Variants in DLG2 observed in about 807,000 individuals in gnomAD.
The protein encoded by DLG2 is disks large homolog 2.
DLG2 carries 45 observed loss-of-function variants against 132.5 expected under a neutral mutation model. That is an observed-to-expected ratio of 0.34 (90% confidence interval 0.27 to 0.44). The LOEUF is 0.44. DLG2 is among the 20% of genes least tolerant of loss of function. The pLI, the probability that DLG2 is intolerant of heterozygous loss-of-function variation, is 1.00. For missense variants in DLG2, 1,045 were observed against 1,196.9 expected (o/e 0.87, Z 1.87); for synonymous variants, 424 against 419.6 (o/e 1.01, Z -0.13).
At chr11:83,884,253 T>C (rs1424429929) in intron 15 of DLG2, among the ~76,000 whole-genome samples, 1 of 152,186 alleles carries the variant, frequency 6.6e-6, no homozygotes, top group Non-Finnish European at 1.5e-5. Flanking sequence ...TACTGCGCTT[T>C]TCCGACGGGC....
intron 7 of DLG2, among the ~76,000 whole-genome samples, chr11:84,367,571 G>A (rs941071339): frequency 4.2e-4 from 64 of 152,120 alleles, no homozygotes; most frequent in African/African-American, 1.5e-3. Context: ...GCCTTTGAGA[G>A]ATGATTGGAT....
intron 15 of DLG2, among the ~76,000 whole-genome samples, chr11:83,883,111 T>C (rs1220975154): frequency 6.6e-6 from 1 of 152,210 alleles, no homozygotes; most frequent in Non-Finnish European, 1.5e-5. Context: ...CAAATTATCA[T>C]TAGTACAATC....
intron 3 of DLG2, among the ~76,000 whole-genome samples, chr11:85,301,104 G>A (rs2079558527): frequency 6.6e-6 from 1 of 152,124 alleles, no homozygotes; most frequent in Admixed American, 6.5e-5. Context: ...AGCAGGCTAA[G>A]GTAGGAGACT....
chr11:84,059,611 T>C, intron 10 of DLG2, 127 bp from the exon 11 acceptor site: 1 of 755,196 alleles, frequency 1.3e-6, no homozygotes, highest in Non-Finnish European at 2.0e-6. Flanking sequence ...AATATTTAAA[T>C]TTGGAAGGAT....
chr11:83,676,264 G>C (rs2077673172), intron 18 of DLG2, among the ~76,000 whole-genome samples: 1 of 152,250 alleles, frequency 6.6e-6, no homozygotes, highest in South Asian at 2.1e-4. Context: ...AACTGTCCTG[G>C]GGCCATGAGG....
intron 15 of DLG2, among the ~76,000 whole-genome samples, chr11:83,920,290 T>G (rs1565640628): frequency 6.6e-6 from 1 of 152,174 alleles, no homozygotes; most frequent in Non-Finnish European, 1.5e-5. Context: ...CCTTTAAACC[T>G]CATATGAGCT....
At chr11:85,534,123 G>C (rs1242826446) in intron 3 of DLG2, among the ~76,000 whole-genome samples, 1 of 151,928 alleles carries the variant, frequency 6.6e-6, no homozygotes, top group African/African-American at 2.4e-5. Context: ...GAGTAGCTGG[G>C]ACTACAGGCA....
intron 17 of DLG2, among the ~76,000 whole-genome samples, chr11:83,830,368 C>G (rs1359415503): frequency 6.6e-6 from 1 of 152,218 alleles, no homozygotes; most frequent in African/African-American, 2.4e-5. Flanking sequence ...TAGAGTATCA[C>G]TAGATCACCT....
chr11:84,777,795 T>A (rs138741757), intron 6 of DLG2, among the ~76,000 whole-genome samples: 1 of 152,132 alleles, frequency 6.6e-6, no homozygotes, highest in Non-Finnish European at 1.5e-5. Flanking sequence ...CACTTTTTAA[T>A]GGGATTATTT....
chr11:84,398,086 T>A (rs7124614), intron 7 of DLG2, among the ~76,000 whole-genome samples: 58,779 of 152,216 alleles, frequency 0.39, 16,205 homozygotes, highest in African/African-American at 0.79. Context: ...AGCAGCTTAG[T>A]TCTGAAAGGC....
chr11:85,452,200 G>A (rs912405058), intron 3 of DLG2: 1 of 151,320 alleles, frequency 6.6e-6, no homozygotes, highest in Non-Finnish European at 1.5e-5. Flanking sequence ...AATGGGTTTA[G>A]TTTTTGGTGA....
chr11:83,730,916 C>A (rs1315050044), intron 18 of DLG2, among the ~76,000 whole-genome samples: 1 of 152,052 alleles, frequency 6.6e-6, no homozygotes, highest in Non-Finnish European at 1.5e-5. Context: ...TGATTATTTC[C>A]AATAAGGGGG....
intron 4 of DLG2, among the ~76,000 whole-genome samples, chr11:85,160,581 C>T (rs2152471592): frequency 6.6e-6 from 1 of 152,240 alleles, no homozygotes; most frequent in East Asian, 1.9e-4. Context: ...CCCATCTAGT[C>T]ACAGAGTGGG....
At chr11:84,461,756 AT>A (rs143425218) in intron 7 of DLG2, among the ~76,000 whole-genome samples, 7 of 149,214 alleles carry the variant, frequency 4.7e-5, no homozygotes, top group East Asian at 2.0e-4. Flanking sequence ...TGTATACTGA[AT>A]TTTTTTTTTC....
intron 7 of DLG2, among the ~76,000 whole-genome samples, chr11:84,264,755 G>A (rs2154359762): frequency 6.6e-6 from 1 of 152,218 alleles, no homozygotes; most frequent in South Asian, 2.1e-4. Flanking sequence ...GAATATATTT[G>A]CAATCATCTC....
chr11:84,169,878 A>G (rs2095778374), intron 8 of DLG2, among the ~76,000 whole-genome samples: 1 of 152,118 alleles, frequency 6.6e-6, no homozygotes, highest in Admixed American at 6.6e-5. Flanking sequence ...GTCTCAAAAA[A>G]AAAAAAAAAA....
chr11:83,921,146 T>G (rs1303285799), intron 15 of DLG2, among the ~76,000 whole-genome samples: 1 of 152,088 alleles, frequency 6.6e-6, no homozygotes, highest in Admixed American at 6.6e-5. Context: ...TGGGTTGCTG[T>G]GGAGATTAAT....
intron 6 of DLG2, among the ~76,000 whole-genome samples, chr11:84,739,798 T>C (rs939678054): frequency 6.6e-6 from 1 of 152,136 alleles, no homozygotes; most frequent in Non-Finnish European, 1.5e-5. Flanking sequence ...TATAGTAGTA[T>C]GCAAAACTAT....
At chr11:85,485,004 A>G (rs1193573095) in intron 3 of DLG2, among the ~76,000 whole-genome samples, 3 of 152,262 alleles carry the variant, frequency 2.0e-5, no homozygotes, top group Non-Finnish European at 4.4e-5. Context: ...CACATACACC[A>G]TGGAATACTA....
Sources: gnomAD v4.1 joint callset for allele counts (sites outside exome capture counted in the v4.1 genomes callset) on GRCh38, gnomAD v4.1.1 for gene constraint, MANE v1.5 for transcripts, NCBI Gene and HGNC (gene_info 2026-07-23, HGNC 2026-07-21) for gene names.